Variants in MARF1 observed in about 807,000 individuals in gnomAD.
The protein encoded by MARF1 is limkain-b1.
Under a neutral mutation model 168.2 loss-of-function variants are expected in MARF1, and 24 were observed. The observed-to-expected ratio is 0.14, with a 90% CI of 0.10 to 0.20. The LOEUF (loss-of-function observed/expected upper bound fraction) is 0.20. Ranked by LOEUF, MARF1 falls within the 10% of genes least tolerant of loss-of-function variation. The pLI is 1.00. For synonymous variants in MARF1, 868 were observed against 822.4 expected (o/e 1.06, Z -0.95); for missense variants, 1,744 against 2,143.6 (o/e 0.81, Z 3.68).
intron 11 of MARF1, 116 bp from the exon 12 acceptor site, chr16:15,622,027 G>C: frequency 2.2e-6 from 2 of 898,058 alleles, no homozygotes; most frequent in Non-Finnish European, 1.7e-6. Context: ...CCATGAAGGA[G>C]TATGTCTGAA....
chr16:15,603,486 T>C (rs1044110181), intron 22 of MARF1, among the ~76,000 whole-genome samples: 4 of 152,170 alleles, frequency 2.6e-5, no homozygotes, highest in Admixed American at 2.6e-4. Context: ...AGAATGGTTT[T>C]TTAAAAGGTA....
At chr16:15,628,695 C>T (rs977351917) in intron 7 of MARF1, among the ~76,000 whole-genome samples, 10 of 152,112 alleles carry the variant, frequency 6.6e-5, no homozygotes, top group Non-Finnish European at 1.5e-4. Flanking sequence ...GGATTGCAGG[C>T]GTGAGCCACA....
intron 5 of MARF1, 128 bp from the exon 6 acceptor site, chr16:15,631,626 T>C: frequency 3.8e-6 from 2 of 530,990 alleles, no homozygotes; most frequent in Non-Finnish European, 6.5e-6. Context: ...GTGCAGAACG[T>C]GCAGGTTTGT....
Position 15,617,144 on chromosome 16 carries a change from G to A in MARF1, c.2985C>T (p.Tyr995=). The part of the protein sequence containing the change: ...FSEHEFDPDS[Y]KIPFVILSLK... ...AAGAAAGAATCACAAAAGGAATCTT[G>A]TAAGAGTCTGGATCAAATTCATGTT... Residue 995 remains tyrosine, a synonymous_variant, in exon 15 of 27, where the codon TAC becomes TAT. Transcript: ENST00000396368. The A allele has an allele frequency of 6.2e-7, 1 of 1,614,104 alleles. No individual in the cohort carries two copies. Among genetic ancestry groups the A allele is most frequent in the Non-Finnish European group, 8.5e-7 (1 of 1,180,010 alleles).
chr16:15,628,368 G>A (rs1474060878), intron 7 of MARF1, among the ~76,000 whole-genome samples: 1 of 150,394 alleles, frequency 6.6e-6, no homozygotes, highest in African/African-American at 2.5e-5. Flanking sequence ...ATTGTGTTTT[G>A]TTTGTTTTTA....
chr16:15,599,986 TGATGTCTA>T (rs1462837099), intron 25 of MARF1, among the ~76,000 whole-genome samples: 1 of 152,134 alleles, frequency 6.6e-6, no homozygotes, highest in Non-Finnish European at 1.5e-5. Flanking sequence ...TCCCAACCAC[TGATGTCTA>T]GATCCTTGGC....
At chr16:15,630,873 G>A (rs2035205334) in intron 6 of MARF1, among the ~76,000 whole-genome samples, 2 of 151,724 alleles carry the variant, frequency 1.3e-5, no homozygotes, top group South Asian at 4.2e-4. Flanking sequence ...GTTCACGCCT[G>A]TAATCCCAGC....
At chr16:15,624,523 C>G (rs953672747) in intron 10 of MARF1, among the ~76,000 whole-genome samples, 3 of 152,172 alleles carry the variant, frequency 2.0e-5, no homozygotes. Context: ...GCCAGGGACT[C>G]TCCAACAGGC....
intron 1 of MARF1, among the ~76,000 whole-genome samples, 153 bp downstream of exon 1, chr16:15,642,865 C>T (rs2036127471): frequency 6.6e-6 from 1 of 152,180 alleles, no homozygotes; most frequent in Admixed American, 6.5e-5. Context: ...GTGGGGGGCC[C>T]AACTGGCGCG....
At position 15,636,070 on chromosome 16, in the gene MARF1, T is replaced by C. The variant is rs762780599; in HGVS notation, c.417A>G (p.Gln139=). Residue 139 remains glutamine, a synonymous_variant, in exon 3 of 27, where the codon CAA becomes CAG. Coordinates refer to ENST00000396368, the MANE Select transcript of MARF1 (RefSeq NM_014647.4). ...CCTGACACGTGATTGTCCTGGTGCT[T>C]TGCGAGTCTAACAGTGCGCCCGGGT... ...LIHPGALLDS[Q]STRTITCQVG... 2.3e-5 allele frequency: 37 copies of C among 1,614,100 alleles called. No individual in the cohort carries two copies. The East Asian group carries it at 4.5e-4, about 19-fold the overall frequency.
intron 3 of MARF1, chr16:15,635,193 G>A (rs901130395): frequency 4.4e-6 from 2 of 458,516 alleles, no homozygotes; most frequent in Non-Finnish European, 7.7e-6. Context: ...CTGCTGCAAC[G>A]AAGACCTCAC....
chr16:15,638,074 G>C (rs1039116902), intron 2 of MARF1, among the ~76,000 whole-genome samples: 1 of 152,152 alleles, frequency 6.6e-6, no homozygotes, highest in African/African-American at 2.4e-5. Context: ...GCTGAGACGG[G>C]AGAATCCCTT....
At chr16:15,599,171 AAAAAC>A in intron 25 of MARF1, 147 bp from the exon 26 acceptor site, 1 of 783,002 alleles carries the variant, frequency 1.3e-6, no homozygotes, top group Non-Finnish European at 2.0e-6. Flanking sequence ...AAAAAAAAAA[AAAAAC>A]AAAAACCCAA....
intron 3 of MARF1, 37 bp from the exon 4 acceptor site, chr16:15,634,968 G>A: frequency 6.3e-7 from 1 of 1,582,456 alleles, no homozygotes; most frequent in Non-Finnish European, 8.6e-7. Flanking sequence ...GGAGGTGTCA[G>A]ATACATCATT....
At position 15,636,139 on chromosome 16, in the gene MARF1, A is replaced by C. The variant is rs752295259; in HGVS notation, c.348T>G (p.Phe116Leu). The C allele has an allele frequency of 3.1e-6, 5 of 1,614,234 alleles. No homozygotes were observed. ...CTCCGCTACCGCCACCACCACCACC[A>C]AAACGCATTGGCGAAGTGGAGGGTT... ...PNEPSTSPMR[F>L]GGGGGGSGGT... The change falls in exon 3 of 27, where the codon TTT (phenylalanine) becomes TTG (leucine). Residue 116 changes from phenylalanine (F) to leucine (L), a missense_variant. Coordinates refer to ENST00000396368, the MANE Select transcript of MARF1 (RefSeq NM_014647.4).
chr16:15,618,189 G>A (rs1382881412), intron 13 of MARF1, among the ~76,000 whole-genome samples: 2 of 152,166 alleles, frequency 1.3e-5, no homozygotes, highest in Non-Finnish European at 2.9e-5. Flanking sequence ...ATTAAGTGTG[G>A]TTAGGCCTGG....
intron 26 of MARF1, among the ~76,000 whole-genome samples, chr16:15,597,642 G>A (rs1446271305): frequency 1.3e-5 from 2 of 152,210 alleles, no homozygotes; most frequent in African/African-American, 4.8e-5. Flanking sequence ...TGGAAGGTGA[G>A]AGTGGCAGAG....
chr16:15,611,376 A>C (rs2033528158), intron 18 of MARF1, among the ~76,000 whole-genome samples: 1 of 150,904 alleles, frequency 6.6e-6, no homozygotes, highest in African/African-American at 2.4e-5. Flanking sequence ...GGACAACGGC[A>C]TAAACCCGGG....
In MARF1 at chr16:15,601,986, C is replaced by A; in HGVS notation, c.4626+5G>T. 1.2e-6 allele frequency: 2 copies of A among 1,613,426 alleles called. No individual in the cohort carries two copies. Among genetic ancestry groups the A allele is most frequent in the South Asian group, 1.1e-5 (1 of 91,066 alleles). ...GCTCTCCCGGAAGCTGAGAAAAATG[C>A]CCACCTGTGGAATTGCTCCCAAGAG... On this transcript the variant is annotated splice_donor_5th_base_variant and intron_variant, in intron 23 of 26. Coordinates refer to ENST00000396368, the MANE Select transcript of MARF1 (RefSeq NM_014647.4).
Sources: gnomAD v4.1 joint callset for allele counts (sites outside exome capture counted in the v4.1 genomes callset) on GRCh38, gnomAD v4.1.1 for gene constraint, MANE v1.5 for transcripts, NCBI Gene and HGNC (gene_info 2026-07-23, HGNC 2026-07-21) for gene names.